Variants in FUT9 observed in about 807,000 individuals in gnomAD.
FUT9 encodes the protein 4-galactosyl-N-acetylglucosaminide 3-alpha-L-fucosyltransferase 9.
FUT9 carries 15 observed loss-of-function variants against 29.7 expected under a neutral mutation model. That is an observed-to-expected ratio of 0.51 (90% confidence interval 0.34 to 0.78). The LOEUF is 0.78. FUT9 is among the 30% of genes least tolerant of loss of function. FUT9 has a pLI of 0.01. For missense variants in FUT9, 319 were observed against 425.4 expected, an observed-to-expected ratio of 0.75 and a Z score of 2.20; for synonymous variants, 169 against 153.7, an observed-to-expected ratio of 1.10 and a Z score of -0.74.
At chr6:96,046,661 G>A (rs1770569062) in intron 1 of FUT9, among the ~76,000 whole-genome samples, 2 of 151,552 alleles carry the variant, frequency 1.3e-5, no homozygotes, top group African/African-American at 2.4e-5. Flanking sequence ...GAACATACAA[G>A]CTTTGTAAGA....
At chr6:96,054,422 G>A (rs1770727219) in intron 1 of FUT9, among the ~76,000 whole-genome samples, 1 of 152,142 alleles carries the variant, frequency 6.6e-6, no homozygotes, top group Non-Finnish European at 1.5e-5. Flanking sequence ...ACTCATTCAT[G>A]TATTTAAGTC....
In FUT9 at chr6:96,207,173, A is replaced by G. The variant is rs1421110383; in HGVS notation, c.*2938A>G. The G allele has an allele frequency of 2.4e-5, 4 of 165,702 alleles. No individual in the cohort carries two copies. Among genetic ancestry groups the G allele is most frequent in the African/African-American group, 9.6e-5 (4 of 41,472 alleles). The allele number at this position is 165,702 out of a possible 1,614,324, so 10.3% of individuals were successfully genotyped here. A position where few individuals can be genotyped will look rare whatever the true frequency, so the allele number is the denominator to read the frequency against. On this transcript the variant is annotated 3_prime_UTR_variant, in exon 3 of 3. Transcript: ENST00000302103. ...AGAAATTATAATTGCTTTTCTTTCT[A>G]CTTATGAGTTAACTAGATCCAGAGA... is the stretch of plus-strand genomic sequence containing the variant.
At chr6:96,031,012 T>C (rs1285317139) in intron 1 of FUT9, among the ~76,000 whole-genome samples, 1 of 151,526 alleles carries the variant, frequency 6.6e-6, no homozygotes, top group African/African-American at 2.4e-5. Context: ...TATACACTGG[T>C]GGTTTGTAGG....
rs1387411625 is a variant in FUT9 at position 96,208,784 on chromosome 6, G to A, written c.*4549G>A. The A allele has an allele frequency of 6.0e-6, 1 of 166,748 alleles. No homozygotes were observed. Among genetic ancestry groups the A allele is most frequent in the Non-Finnish European group, 1.5e-5 (1 of 68,004 alleles). The allele number at this position is 166,748 out of a possible 1,614,324, so 10.3% of individuals were successfully genotyped here. A position where few individuals can be genotyped will look rare whatever the true frequency, so the allele number is the denominator to read the frequency against. On this transcript the variant is annotated 3_prime_UTR_variant, in exon 3 of 3. Transcript: ENST00000302103. The stretch of plus-strand genomic sequence containing the variant: ...AGGAAAGAAAATTAGTATTTAAGGA[G>A]AGTATAAAGTGCGAGCACTGTGAAG...
chr6:96,041,079 G>A (rs1427352329), intron 1 of FUT9, among the ~76,000 whole-genome samples: 1 of 151,220 alleles, frequency 6.6e-6, no homozygotes, highest in Non-Finnish European at 1.5e-5. Context: ...TGTCCCTCCC[G>A]GTTTATGCCT....
intron 1 of FUT9, among the ~76,000 whole-genome samples, chr6:96,074,192 G>A (rs1356437441): frequency 6.6e-6 from 1 of 152,078 alleles, no homozygotes; most frequent in East Asian, 1.9e-4. Flanking sequence ...CCCCATCCCT[G>A]AGAATGCAGC....
At chr6:96,160,514 C>T (rs563695496) in intron 2 of FUT9, among the ~76,000 whole-genome samples, 152 of 152,156 alleles carry the variant, frequency 1.0e-3, no homozygotes, top group African/African-American at 3.4e-3. Context: ...TATGCATGAA[C>T]GCTTTTTAAA....
chr6:96,048,327 T>C (rs1023405485), intron 1 of FUT9, among the ~76,000 whole-genome samples: 1 of 152,170 alleles, frequency 6.6e-6, no homozygotes, highest in African/African-American at 2.4e-5. Context: ...GGGAGGTTCA[T>C]TCTGCCTGTC....
At chr6:96,078,230 AATTTTGGTT>A in intron 1 of FUT9, among the ~76,000 whole-genome samples, 1 of 151,804 alleles carries the variant, frequency 6.6e-6, no homozygotes, top group South Asian at 2.1e-4. Context: ...CTGGAATTTT[AATTTTGGTT>A]ATATTTCCAT....
intron 2 of FUT9, among the ~76,000 whole-genome samples, chr6:96,171,760 C>A (rs1411145445): frequency 6.6e-6 from 1 of 152,134 alleles, no homozygotes; most frequent in Non-Finnish European, 1.5e-5. Context: ...TTATTCAAGA[C>A]TTTCCATCAC....
intron 2 of FUT9, among the ~76,000 whole-genome samples, chr6:96,187,501 C>G (rs1023320435): frequency 6.6e-6 from 1 of 151,998 alleles, no homozygotes; most frequent in Non-Finnish European, 1.5e-5. Flanking sequence ...GACTGTAATT[C>G]CTAGAAAAGT....
chr6:96,054,786 C>T (rs181812510), intron 1 of FUT9, among the ~76,000 whole-genome samples: 13 of 151,766 alleles, frequency 8.6e-5, no homozygotes, highest in East Asian at 1.9e-4. Flanking sequence ...TCTGAAAGAG[C>T]GAGAAAAAAA....
chr6:96,021,881 A>G (rs931955322), intron 1 of FUT9, among the ~76,000 whole-genome samples: 2 of 152,038 alleles, frequency 1.3e-5, no homozygotes, highest in Non-Finnish European at 2.9e-5. Flanking sequence ...GAATTATACT[A>G]TAGTAGGAAT....
At chr6:96,066,044 T>C (rs910579663) in intron 1 of FUT9, among the ~76,000 whole-genome samples, 3 of 152,172 alleles carry the variant, frequency 2.0e-5, no homozygotes, top group African/African-American at 7.2e-5. Context: ...GATGCTGTCA[T>C]TTCACTTGCC....
intron 1 of FUT9, among the ~76,000 whole-genome samples, chr6:96,106,791 C>A (rs1194749945): frequency 6.6e-6 from 1 of 152,116 alleles, no homozygotes; most frequent in Non-Finnish European, 1.5e-5. Context: ...ATTCCAAGAC[C>A]CCCTTAGAGC....
In FUT9 at chr6:96,212,058, A is replaced by G. The variant is rs1210924149; in HGVS notation, c.*7823A>G. 1 of 412,436 alleles carries G rather than the reference A, an allele frequency of 2.4e-6. No individual in the cohort carries two copies. Among genetic ancestry groups the G allele is most frequent in the Non-Finnish European group, 4.4e-6 (1 of 225,322 alleles). The allele number at this position is 412,436 out of a possible 1,614,324, so 25.5% of individuals were successfully genotyped here. Reference sequence around the variant, plus strand: ...ATGCTAACTTTCCACACATGGCTGCATTCCATTTTGATTAATGAGGGTTCA... The same window carrying G: ...ATGCTAACTTTCCACACATGGCTGCGTTCCATTTTGATTAATGAGGGTTCA... On this transcript the variant is annotated 3_prime_UTR_variant, in exon 3 of 3. Coordinates refer to ENST00000302103, the MANE Select transcript of FUT9 (RefSeq NM_006581.4).
intron 2 of FUT9, among the ~76,000 whole-genome samples, chr6:96,130,698 T>G (rs1181052515): frequency 6.6e-6 from 1 of 152,200 alleles, no homozygotes; most frequent in African/African-American, 2.4e-5. Context: ...GTAAAATTTG[T>G]TTTCTTTGAC....
intron 2 of FUT9, among the ~76,000 whole-genome samples, chr6:96,117,133 C>G (rs570922061): frequency 6.6e-6 from 1 of 151,944 alleles, no homozygotes; most frequent in African/African-American, 2.4e-5. Context: ...AAGAATGAGG[C>G]TAACTCTAAA....
chr6:96,149,279 T>G (rs577445340), intron 2 of FUT9, among the ~76,000 whole-genome samples: 11 of 152,142 alleles, frequency 7.2e-5, no homozygotes, highest in African/African-American at 2.6e-4. Context: ...CAGAGAGCAT[T>G]TTTTTTAAAT....
Sources: gnomAD v4.1 joint callset for allele counts (sites outside exome capture counted in the v4.1 genomes callset) on GRCh38, gnomAD v4.1.1 for gene constraint, MANE v1.5 for transcripts, NCBI Gene and HGNC (gene_info 2026-07-23, HGNC 2026-07-21) for gene names.